PRIM2: variants seen among roughly 807,000 people sequenced by gnomAD.
The protein encoded by PRIM2 is DNA primase subunit 2.
A neutral mutation model predicts 67.3 loss-of-function variants in PRIM2; 39 were observed. The ratio of observed to expected loss-of-function variants is 0.58; its 90% CI spans 0.45 to 0.76. The LOEUF (loss-of-function observed/expected upper bound fraction) is 0.76. Ranked by LOEUF, PRIM2 falls within the 30% of genes least tolerant of loss-of-function variation. PRIM2 has a pLI of 0.00. For missense variants in PRIM2, 398 were observed against 598.7 expected, an observed-to-expected ratio of 0.66 and a Z score of 3.50; for synonymous variants, 143 against 198.7, an observed-to-expected ratio of 0.72 and a Z score of 2.36.
chr6:57,546,515 A>G (rs1308698710), intron 10 of PRIM2, among the ~76,000 whole-genome samples: 3 of 152,180 alleles, frequency 2.0e-5, no homozygotes, highest in Non-Finnish European at 2.9e-5. Flanking sequence ...TACACAAAAC[A>G]TCGTTAACTC....
At chr6:57,407,732 A>G (rs59511532) in intron 7 of PRIM2, among the ~76,000 whole-genome samples, 14 of 151,920 alleles carry the variant, frequency 9.2e-5, no homozygotes, top group Admixed American at 3.3e-4. Context: ...GCATTAAATC[A>G]TTCTTTTGAG....
At chr6:57,269,579 T>A in the PRIM2 span, among the ~76,000 whole-genome samples, 1 of 152,164 alleles carries the variant, frequency 6.6e-6, no homozygotes, top group South Asian at 2.1e-4. Context: ...ATTCTGTAGG[T>A]TGCCTGTTCA....
rs1210795259 is a variant in PRIM2 at position 57,537,509 on chromosome 6, C to T, written c.904C>T (p.Arg302Cys). Residue 302 changes from arginine (R) to cysteine (C), a missense_variant, in exon 10 of 14, where the codon CGT becomes TGT. Physicochemically the swap from Arg to Cys is radical, Grantham distance 180. Coordinates refer to ENST00000615550, the MANE Select transcript of PRIM2 (RefSeq NM_000947.5). ...HKALRENHHLRHGGRMQYGLF... is the reference protein window; with the variant it reads ...HKALRENHHLCHGGRMQYGLF... The stretch of plus-strand genomic sequence containing the variant: ...AGCCTTGCGGGAAAATCACCATCTT[C>T]GTCATGGAGGCCGAATGCAGTATGG... 8 of 1,563,778 alleles carry T rather than the reference C, an allele frequency of 5.1e-6. No homozygotes were observed. The highest frequency in any genetic ancestry group is 5.3e-6 in the Non-Finnish European group (6 of 1,139,192).
chr6:57,603,160 C>T (rs1362660522), intron 11 of PRIM2, among the ~76,000 whole-genome samples: 10 of 152,142 alleles, frequency 6.6e-5, no homozygotes, highest in Non-Finnish European at 1.0e-4. Flanking sequence ...TTCATTTACA[C>T]GTTATACCTT....
chr6:57,355,655 C>CT (rs1276657905), intron 5 of PRIM2, among the ~76,000 whole-genome samples: 6 of 151,150 alleles, frequency 4.0e-5, no homozygotes, highest in South Asian at 2.1e-4. Flanking sequence ...TTACTTTTTT[C>CT]TTTTTTTTTG....
chr6:57,282,519 T>C, the PRIM2 span, among the ~76,000 whole-genome samples: 14 of 152,180 alleles, frequency 9.2e-5, no homozygotes, highest in African/African-American at 3.4e-4. Flanking sequence ...GAATTGTGTC[T>C]CCCTGCTCCC....
At chr6:57,501,452 A>G (rs1362413969) in intron 7 of PRIM2, among the ~76,000 whole-genome samples, 1 of 152,074 alleles carries the variant, frequency 6.6e-6, no homozygotes, top group Non-Finnish European at 1.5e-5. Flanking sequence ...GGCGCCCGCC[A>G]CCAAGCCGAG....
the PRIM2 span, among the ~76,000 whole-genome samples, chr6:57,253,029 G>GTTTAT: frequency 6.6e-6 from 1 of 152,166 alleles, no homozygotes; most frequent in Non-Finnish European, 1.5e-5. Context: ...GGTTCCCCAT[G>GTTTAT]TTTACATTCC....
intron 7 of PRIM2, among the ~76,000 whole-genome samples, chr6:57,499,681 CTTAAA>C (rs1774089799): frequency 6.6e-6 from 1 of 152,180 alleles, no homozygotes; most frequent in African/African-American, 2.4e-5. Context: ...TCACATAAAA[CTTAAA>C]TTTGTATGTT....
the PRIM2 span, among the ~76,000 whole-genome samples, chr6:57,309,535 T>C: frequency 2.4e-4 from 37 of 152,314 alleles, 2 homozygotes; most frequent in South Asian, 7.7e-3. Flanking sequence ...TAATCCAGTC[T>C]ATCACACATT....
the PRIM2 span, among the ~76,000 whole-genome samples, chr6:57,239,555 C>T: frequency 6.6e-6 from 1 of 151,908 alleles, no homozygotes; most frequent in Non-Finnish European, 1.5e-5. Context: ...GGCAACATGG[C>T]GAGACCCCAA....
intron 8 of PRIM2, among the ~76,000 whole-genome samples, chr6:57,507,946 T>C (rs1774283341): frequency 6.6e-6 from 1 of 152,206 alleles, no homozygotes; most frequent in African/African-American, 2.4e-5. Flanking sequence ...TTTTAATTTT[T>C]TATTTTTTGA....
chr6:57,514,270 A>C (rs1554348013), intron 8 of PRIM2, among the ~76,000 whole-genome samples: 113 of 152,326 alleles, frequency 7.4e-4, no homozygotes, highest in Non-Finnish European at 1.4e-3. Context: ...AGCTTTTCTT[A>C]CTATCCAAAG....
chr6:57,536,438 A>G (rs1403995483), intron 9 of PRIM2, among the ~76,000 whole-genome samples: 2 of 152,202 alleles, frequency 1.3e-5, no homozygotes, highest in Non-Finnish European at 2.9e-5. Context: ...TTATTTTTGT[A>G]TTCTGCTTTG....
At chr6:57,558,116 C>T (rs1276467661) in intron 10 of PRIM2, among the ~76,000 whole-genome samples, 1 of 152,136 alleles carries the variant, frequency 6.6e-6, no homozygotes, top group Non-Finnish European at 1.5e-5. Flanking sequence ...TTAAGTCAGC[C>T]TCTCTGGACT....
chr6:57,340,653 C>T (rs866955042), intron 5 of PRIM2, among the ~76,000 whole-genome samples: 11 of 151,784 alleles, frequency 7.2e-5, no homozygotes, highest in Non-Finnish European at 1.3e-4. Flanking sequence ...GGGAATTGAA[C>T]AATGAGAACA....
chr6:57,302,093 C>A, the PRIM2 span, among the ~76,000 whole-genome samples: 1 of 152,212 alleles, frequency 6.6e-6, no homozygotes, highest in Non-Finnish European at 1.5e-5. Flanking sequence ...TAAACTGTTT[C>A]ACTTCCAAAT....
upstream of PRIM2, among the ~76,000 whole-genome samples, chr6:57,313,674 T>C (rs1211749408): frequency 4.6e-5 from 7 of 152,182 alleles, no homozygotes; most frequent in Admixed American, 2.6e-4. Context: ...TGGCTAACTC[T>C]GCATTAGCTT....
the PRIM2 span, among the ~76,000 whole-genome samples, chr6:57,283,522 TTAATA>T: frequency 1.3e-5 from 2 of 152,190 alleles, no homozygotes; most frequent in Admixed American, 6.6e-5. Context: ...ATACTGAAGA[TTAATA>T]TAGCGTTAAG....
Sources: gnomAD v4.1 joint callset for allele counts (sites outside exome capture counted in the v4.1 genomes callset) on GRCh38, gnomAD v4.1.1 for gene constraint, MANE v1.5 for transcripts, NCBI Gene and HGNC (gene_info 2026-07-23, HGNC 2026-07-21) for gene names.